The following FOXB2 variants were observed in gnomAD, a reference collection of about 807,000 sequenced individuals.
The protein encoded by FOXB2 is forkhead box B2.
A neutral mutation model predicts 0.9 loss-of-function variants in FOXB2; 1 was observed. The ratio of observed to expected loss-of-function variants is 1.09; its 90% confidence interval spans 0.39 to 5.18. The LOEUF is 5.18. FOXB2 is among the 30% of genes most tolerant of loss of function. The probability of loss-of-function intolerance (pLI) is 0.16; values close to 1 mark genes in which losing one functional copy is unlikely to be tolerated. For synonymous variants in FOXB2, 322 were observed against 293.5 expected (o/e 1.10, Z -0.99); for missense variants, 670 against 626.6 (o/e 1.07, Z -0.74).
chr9:77,020,310 AGGCGGCGGCCGT>A lies in FOXB2; in HGVS notation c.666_677del (p.Val223_Ala226del), dbSNP rs769047703. On this transcript the variant is annotated inframe_deletion, in exon 1 of 1. Transcript: ENST00000376708. The surrounding 1 kb of genome is among the most constrained non-coding windows in gnomAD (Gnocchi z 4.9). ...CCGTCTCACCCCGGCAAGATGCAGGAGGCGGCGGCCGTGGCGGCGGCGGCGGCGGCGGCCGCG... is the reference window on the plus strand; with the variant it reads ...CCGTCTCACCCCGGCAAGATGCAGGAGGCGGCGGCGGCGGCGGCGGCCGCG... The A allele has an allele frequency of 1.6e-5, 19 of 1,216,898 alleles. 1 individual carries two copies. Among genetic ancestry groups the A allele is most frequent in the Non-Finnish European group, 1.9e-5 (18 of 963,896 alleles). The allele number at this position is 1,216,898 out of a possible 1,614,324, so 75.4% of individuals were successfully genotyped here.
In FOXB2 at chr9:77,020,638, C is replaced by CGCCGCA. The variant is rs769919742; in HGVS notation, c.995_1000dup (p.Ala332_Ala333dup). ...TGGATTCGGTGGCCGCCGCCGCGGC[C>CGCCGCA]GCCGCAGCCGCAGCCGGAGTCCCTG... On this transcript the variant is annotated inframe_insertion, in exon 1 of 1. Transcript: ENST00000376708. This position sits in a 1 kb window ranked among gnomAD's most constrained non-coding sequence, Gnocchi z 4.9. 23 of 1,597,192 alleles carry CGCCGCA rather than the reference C, an allele frequency of 1.4e-5. No individual in the cohort carries two copies. The highest frequency in any genetic ancestry group is 1.8e-5 in the Non-Finnish European group (21 of 1,173,874).
chr9:77,020,629 CGCCGCGGCCGCCGCA>C lies in FOXB2; in HGVS notation c.981_995del (p.Ala329_Ala333del). ...TTGGCGTCATGGATTCGGTGGCCGC[CGCCGCGGCCGCCGCA>C]GCCGCAGCCGGAGTCCCTGTAGGCC... On this transcript the variant is annotated inframe_deletion, in exon 1 of 1. Coordinates refer to ENST00000376708, the MANE Select transcript of FOXB2 (RefSeq NM_001013735.1). This position sits in a 1 kb window ranked among gnomAD's most constrained non-coding sequence, Gnocchi z 4.9. 1 of 1,588,574 alleles carries C rather than the reference CGCCGCGGCCGCCGCA, an allele frequency of 6.3e-7. No individual in the cohort carries two copies. The highest frequency in any genetic ancestry group is 8.5e-7 in the Non-Finnish European group (1 of 1,170,608).
chr9:77,019,876 T>C lies in FOXB2; in HGVS notation c.222T>C (p.Ile74=), dbSNP rs2063908657. The C allele has an allele frequency of 6.2e-7, 1 of 1,613,702 alleles. No individual in the cohort carries two copies. Among genetic ancestry groups the C allele is most frequent in the Non-Finnish European group, 8.5e-7 (1 of 1,179,994 alleles). ...CCTTCAACGACTGCTTCATCAAGAT[T>C]CCGCGGAGGCCCGACCAGCCTGGCA... ...NLSFNDCFIK[I]PRRPDQPGKG... The change falls in exon 1 of 1, where the codon ATT becomes ATC. Residue 74 remains isoleucine, a synonymous_variant. Coordinates refer to ENST00000376708, the MANE Select transcript of FOXB2 (RefSeq NM_001013735.1). The surrounding 1 kb of genome is among the most constrained non-coding windows in gnomAD (Gnocchi z 4.4).
In FOXB2 at chr9:77,020,188, C is replaced by G. The variant is rs751735543; in HGVS notation, c.534C>G (p.His178Gln). Residue 178 changes from histidine (H) to glutamine (Q), a missense_variant, in exon 1 of 1, where the codon CAC becomes CAG. His to Gln is a conservative substitution (Grantham distance 24, BLOSUM62 0). Coordinates refer to ENST00000376708, the MANE Select transcript of FOXB2 (RefSeq NM_001013735.1). This position sits in a 1 kb window ranked among gnomAD's most constrained non-coding sequence, Gnocchi z 4.9. ...CCCCGCCGCCGCCGCACATGGTACA[C>G]TATTTCCATCAGCAACCGCCTACTG... ...PPPPPPPHMV[H>Q]YFHQQPPTAP... The G allele has an allele frequency of 8.5e-7, 1 of 1,174,440 alleles. No individual in the cohort carries two copies. Among genetic ancestry groups the G allele is most frequent in the South Asian group, 1.2e-5 (1 of 82,492 alleles). 72.8% of individuals were successfully genotyped at this position (1,174,440 alleles called of 1,614,324 possible). A position where few individuals can be genotyped will look rare whatever the true frequency, so the allele number is the denominator to read the frequency against.
In FOXB2 at chr9:77,020,846, T is replaced by A; in HGVS notation, c.1192T>A (p.Cys398Ser). 1 of 1,548,402 alleles carries A rather than the reference T, an allele frequency of 6.5e-7. No homozygotes were observed. The highest frequency in any genetic ancestry group is 8.7e-7 in the Non-Finnish European group (1 of 1,153,532). Reference protein sequence around the residue: ...SQQPPAPSTVCSAAAASPVAS... With the variant: ...SQQPPAPSTVSSAAAASPVAS... ...GCAGCCTCCGGCGCCATCCACCGTG[T>A]GCTCCGCGGCCGCGGCCTCGCCCGT... Residue 398 changes from cysteine to serine, a missense_variant, in exon 1 of 1, where the codon TGC becomes AGC. Transcript: ENST00000376708. The surrounding 1 kb of genome is among the most constrained non-coding windows in gnomAD (Gnocchi z 4.9).
chr9:77,019,936 G>A lies in FOXB2; in HGVS notation c.282G>A (p.Gly94=). The part of the protein sequence containing the change: ...GSFWALHPDC[G]DMFENGSFLR... ...TCTGGGCGCTGCACCCCGACTGCGGGGACATGTTCGAGAACGGCAGCTTCC... is the reference window on the plus strand; with the variant it reads ...TCTGGGCGCTGCACCCCGACTGCGGAGACATGTTCGAGAACGGCAGCTTCC... Residue 94 remains glycine (G), a synonymous_variant, in exon 1 of 1, where the codon GGG becomes GGA. Coordinates refer to ENST00000376708, the MANE Select transcript of FOXB2 (RefSeq NM_001013735.1). This position sits in a 1 kb window ranked among gnomAD's most constrained non-coding sequence, Gnocchi z 4.4. The A allele has an allele frequency of 6.2e-7, 1 of 1,613,482 alleles. No homozygotes were observed. Among genetic ancestry groups the A allele is most frequent in the Non-Finnish European group, 8.5e-7 (1 of 1,180,012 alleles).
chr9:77,019,979 TTCAAGGTGCTGCG>T lies in FOXB2; in HGVS notation c.326_338del (p.Phe109SerfsTer225). ...CAGCTTCCTGCGGCGTCGCAAGCGC[TTCAAGGTGCTGCG>T]CGCCGACCATACTCACTTGCACGCG... On this transcript the variant is annotated frameshift_variant, in exon 1 of 1. Transcript: ENST00000376708. LOFTEE classifies it low-confidence loss of function (END_TRUNC). The surrounding 1 kb of genome is among the most constrained non-coding windows in gnomAD (Gnocchi z 4.4). 1 of 1,612,334 alleles carries T rather than the reference TTCAAGGTGCTGCG, an allele frequency of 6.2e-7. No individual in the cohort carries two copies. Among genetic ancestry groups the T allele is most frequent in the Non-Finnish European group, 8.5e-7 (1 of 1,179,854 alleles).
chr9:77,020,386 C>T lies in FOXB2; in HGVS notation c.732C>T (p.Phe244=). The T allele has an allele frequency of 6.5e-7, 1 of 1,537,832 alleles. No individual in the cohort carries two copies. Among genetic ancestry groups the T allele is most frequent in the African/African-American group, 1.4e-5 (1 of 69,094 alleles). ...GCAGCGTGGGACGCCTGTCTCAGTT[C>T]CCACCCTACGGGCTGGGCTCGGCCG... ...AVGSVGRLSQ[F]PPYGLGSAAA... is the part of the protein sequence containing the mutation. The change falls in exon 1 of 1, where the codon TTC becomes TTT. Residue 244 remains phenylalanine, a synonymous_variant. Coordinates refer to ENST00000376708, the MANE Select transcript of FOXB2 (RefSeq NM_001013735.1). The surrounding 1 kb of genome is among the most constrained non-coding windows in gnomAD (Gnocchi z 4.9).
At position 77,020,601 on chromosome 9, in the gene FOXB2, A is replaced by T. The variant is rs1277726172; in HGVS notation, c.947A>T (p.His316Leu). The T allele has an allele frequency of 6.2e-6, 10 of 1,605,664 alleles. No individual in the cohort carries two copies. Among genetic ancestry groups the T allele is most frequent in the Non-Finnish European group, 7.6e-6 (9 of 1,177,864 alleles). The change falls in exon 1 of 1, where the codon CAC (histidine) becomes CTC (leucine). Residue 316 changes from histidine to leucine, a missense_variant. By Grantham distance (99) the His-to-Leu change is moderately conservative. Transcript: ENST00000376708. This position sits in a 1 kb window ranked among gnomAD's most constrained non-coding sequence, Gnocchi z 4.9. ...AACGTCGTCAGCTCCGTGTGGCCGC[A>T]CGTTGGCGTCATGGATTCGGTGGCC... is the stretch of plus-strand genomic sequence containing the variant. ...LGNVVSSVWP[H>L]VGVMDSVAAA... is the part of the protein sequence containing the mutation.
Position 77,020,655 on chromosome 9 carries a change from G to A in FOXB2, c.1001G>A (p.Gly334Glu), listed in dbSNP as rs1272364130. The A allele has an allele frequency of 1.4e-5, 23 of 1,602,526 alleles. No homozygotes were observed. The highest frequency in any genetic ancestry group is 2.0e-5 in the Non-Finnish European group (23 of 1,176,004). Residue 334 changes from glycine (G) to glutamate (E), a missense_variant, in exon 1 of 1, where the codon GGA (glycine) becomes GAA (glutamate). Coordinates refer to ENST00000376708, the MANE Select transcript of FOXB2 (RefSeq NM_001013735.1). The surrounding 1 kb of genome is among the most constrained non-coding windows in gnomAD (Gnocchi z 4.9). ...GCCGCGGCCGCCGCAGCCGCAGCCG[G>A]AGTCCCTGTAGGCCCGGAGTATGGG... ...AAAAAAAAAA[G>E]VPVGPEYGAF...
Position 77,020,410 on chromosome 9 carries a change from C to G in FOXB2, c.756C>G (p.Ala252=), listed in dbSNP as rs1408958280. The G allele has an allele frequency of 1.9e-6, 3 of 1,586,778 alleles. No homozygotes were observed. Among genetic ancestry groups the G allele is most frequent in the Non-Finnish European group, 2.6e-6 (3 of 1,169,952 alleles). ...SQFPPYGLGS[A]AAAAAAAAAS... ...TCCCACCCTACGGGCTGGGCTCGGC[C>G]GCCGCCGCTGCCGCCGCGGCCGCGG... Residue 252 remains alanine (A), a synonymous_variant, in exon 1 of 1, where the codon GCC becomes GCG. Transcript: ENST00000376708. This position sits in a 1 kb window ranked among gnomAD's most constrained non-coding sequence, Gnocchi z 4.9.
In FOXB2 at chr9:77,020,014, C is replaced by T. The variant is rs1434804255; in HGVS notation, c.360C>T (p.His120=). The T allele has an allele frequency of 1.2e-6, 2 of 1,610,548 alleles. No homozygotes were observed. Among genetic ancestry groups the T allele is most frequent in the Non-Finnish European group, 1.7e-6 (2 of 1,179,152 alleles). The change falls in exon 1 of 1, where the codon CAC becomes CAT. Residue 120 remains histidine (H), a synonymous_variant. Transcript: ENST00000376708. The surrounding 1 kb of genome is among the most constrained non-coding windows in gnomAD (Gnocchi z 4.9). Reference sequence around the variant, plus strand: ...TGCGCGCCGACCATACTCACTTGCACGCGGGAAGCACCAAGAGCGCGCCGG... The same window carrying T: ...TGCGCGCCGACCATACTCACTTGCATGCGGGAAGCACCAAGAGCGCGCCGG... ...KVLRADHTHL[H]AGSTKSAPGA...
chr9:77,019,791 G>C lies in FOXB2; in HGVS notation c.137G>C (p.Arg46Pro). 1.9e-6 allele frequency: 3 copies of C among 1,614,116 alleles called. No individual in the cohort carries two copies. The highest frequency in any genetic ancestry group is 2.5e-6 in the Non-Finnish European group (3 of 1,180,020). Residue 46 changes from arginine (R) to proline (P), a missense_variant, in exon 1 of 1, where the codon CGC (arginine) becomes CCC (proline). By Grantham distance (103) the Arg-to-Pro change is moderately radical. Transcript: ENST00000376708. This position sits in a 1 kb window ranked among gnomAD's most constrained non-coding sequence, Gnocchi z 4.4. ...LSDIYKFIME[R>P]FPYYREHTQR... ...GACATCTACAAGTTCATCATGGAGC[G>C]CTTCCCCTACTACCGCGAGCACACA...
At position 77,020,465 on chromosome 9, in the gene FOXB2, G is replaced by A; in HGVS notation, c.811G>A (p.Ala271Thr). 1.2e-6 allele frequency: 2 copies of A among 1,605,620 alleles called. No homozygotes were observed. The change falls in exon 1 of 1, where the codon GCC becomes ACC. Residue 271 changes from alanine to threonine, a missense_variant. Physicochemically the swap from Ala to Thr is moderately conservative, Grantham distance 58. Coordinates refer to ENST00000376708, the MANE Select transcript of FOXB2 (RefSeq NM_001013735.1). This position sits in a 1 kb window ranked among gnomAD's most constrained non-coding sequence, Gnocchi z 4.9. ...ASTSGFKHPF[A>T]IENIIGRDYK... The stretch of plus-strand genomic sequence containing the variant: ...CACGTCAGGCTTCAAGCACCCCTTT[G>A]CCATTGAGAACATTATTGGCCGGGA...
chr9:77,020,822 C>T lies in FOXB2; in HGVS notation c.1168C>T (p.Gln390Ter), dbSNP rs768532485. The T allele has an allele frequency of 8.8e-5, 137 of 1,551,108 alleles. No individual in the cohort carries two copies. Among genetic ancestry groups the T allele is most frequent in the Non-Finnish European group, 1.1e-4 (131 of 1,154,896 alleles). Reference protein sequence around the residue: ...PGLTVPAASQQPPAPSTVCSA... With the variant: ...PGLTVPAASQ ...GCTCACTGTCCCCGCGGCTTCGCAG[C>T]AGCCTCCGGCGCCATCCACCGTGTG... is the stretch of plus-strand genomic sequence containing the variant. The change falls in exon 1 of 1, where the codon CAG (glutamine) becomes TAG (stop). Residue 390 changes from glutamine (Q) to a stop codon, truncating the protein, a stop_gained. Transcript: ENST00000376708. LOFTEE classifies it low-confidence loss of function (END_TRUNC). The surrounding 1 kb of genome is among the most constrained non-coding windows in gnomAD (Gnocchi z 4.9).
Position 77,019,820 on chromosome 9 carries a change from C to A in FOXB2, c.166C>A (p.Arg56Ser), listed in dbSNP as rs755352940. The A allele has an allele frequency of 3.1e-6, 5 of 1,614,132 alleles. No individual in the cohort carries two copies. The highest frequency in any genetic ancestry group is 1.3e-5 in the African/African-American group (1 of 75,044). ...CCCCTACTACCGCGAGCACACACAG[C>A]GCTGGCAGAACAGCCTGCGCCACAA... ...RFPYYREHTQRWQNSLRHNLS... is the reference protein window; with the variant it reads ...RFPYYREHTQSWQNSLRHNLS... Residue 56 changes from arginine to serine, a missense_variant, in exon 1 of 1, where the codon CGC becomes AGC. Physicochemically the swap from Arg to Ser is moderately radical, Grantham distance 110 (BLOSUM62 -1). Transcript: ENST00000376708. This position sits in a 1 kb window ranked among gnomAD's most constrained non-coding sequence, Gnocchi z 4.4.
Position 77,020,517 on chromosome 9 carries a change from G to A in FOXB2, c.863G>A (p.Gly288Glu). Residue 288 changes from glycine (G) to glutamate (E), a missense_variant, in exon 1 of 1, where the codon GGG becomes GAG. Coordinates refer to ENST00000376708, the MANE Select transcript of FOXB2 (RefSeq NM_001013735.1). The surrounding 1 kb of genome is among the most constrained non-coding windows in gnomAD (Gnocchi z 4.9). ...TACAAGGGCGTGCTGCAGGCTGGAGGGCTGCCCTTGGCGTCCGTCATGCAC... is the reference window on the plus strand; with the variant it reads ...TACAAGGGCGTGCTGCAGGCTGGAGAGCTGCCCTTGGCGTCCGTCATGCAC... ...RDYKGVLQAG[G>E]LPLASVMHHL... is the part of the protein sequence containing the mutation. 4 of 1,610,530 alleles carry A rather than the reference G, an allele frequency of 2.5e-6. No homozygotes were observed. The highest frequency in any genetic ancestry group is 2.2e-5 in the South Asian group (2 of 90,996).
rs2063908810 is a variant in FOXB2, at chr9:77,019,903, G to T, written c.249G>T (p.Lys83Asn). The change falls in exon 1 of 1, where the codon AAG becomes AAT. Residue 83 changes from lysine to asparagine, a missense_variant. Coordinates refer to ENST00000376708, the MANE Select transcript of FOXB2 (RefSeq NM_001013735.1). This position sits in a 1 kb window ranked among gnomAD's most constrained non-coding sequence, Gnocchi z 4.4. ...CGCGGAGGCCCGACCAGCCTGGCAA[G>T]GGTAGCTTCTGGGCGCTGCACCCCG... ...KIPRRPDQPG[K>N]GSFWALHPDC... 1 of 1,613,716 alleles carries T rather than the reference G, an allele frequency of 6.2e-7. No homozygotes were observed. Among genetic ancestry groups the T allele is most frequent in the Non-Finnish European group, 8.5e-7 (1 of 1,180,028 alleles).
chr9:77,020,946 A>C lies in FOXB2; in HGVS notation c.1292A>C (p.His431Pro), dbSNP rs1275953564. ...GGCTCCTTGCACTCGGTGCTAGTGC[A>C]CTCCTAGGGGACCCGGCGGGCGTGG... ...KGGSLHSVLV[H>P]S Residue 431 changes from histidine to proline, a missense_variant, in exon 1 of 1, where the codon CAC (histidine) becomes CCC (proline). Physicochemically the swap from His to Pro is moderately conservative, Grantham distance 77. Coordinates refer to ENST00000376708, the MANE Select transcript of FOXB2 (RefSeq NM_001013735.1). The surrounding 1 kb of genome is among the most constrained non-coding windows in gnomAD (Gnocchi z 4.9). 6.4e-7 allele frequency: 1 copy of C among 1,567,488 alleles called. No homozygotes were observed. Among genetic ancestry groups the C allele is most frequent in the African/African-American group, 1.4e-5 (1 of 72,998 alleles).
Sources: allele counts gnomAD v4.1 joint callset, GRCh38; gene constraint gnomAD v4.1.1; non-coding constraint Gnocchi (gnomAD v3.1); transcripts MANE v1.5; gene names NCBI Gene and HGNC (gene_info 2026-07-23, HGNC 2026-07-21).